The following DEUP1 variants were observed in gnomAD, a reference collection of about 807,000 sequenced individuals.
DEUP1 encodes coiled-coil domain containing 67.
Under a neutral mutation model 87.4 loss-of-function variants are expected in DEUP1, and 82 were observed. The observed-to-expected ratio is 0.94, with a 90% CI of 0.78 to 1.13. The LOEUF (loss-of-function observed/expected upper bound fraction) is 1.13. Ranked by LOEUF, DEUP1 falls within the 50% of genes most tolerant of loss-of-function variation. DEUP1 has a pLI of 0.00. For synonymous variants in DEUP1, 214 were observed against 222.7 expected, an observed-to-expected ratio of 0.96 and a Z score of 0.35; for missense variants, 663 against 681.5, an observed-to-expected ratio of 0.97 and a Z score of 0.30.
At chr11:93,419,075 T>C (rs1015365962) in intron 13 of DEUP1, among the ~76,000 whole-genome samples, 21 of 151,808 alleles carry the variant, frequency 1.4e-4, no homozygotes, top group African/African-American at 4.6e-4. Flanking sequence ...GAGATATACC[T>C]AATGCTAGAT....
chr11:93,355,481 T>C lies in DEUP1; in HGVS notation c.140T>C (p.Leu47Ser). The change falls in exon 3 of 14, where the codon TTA (leucine) becomes TCA (serine). Residue 47 changes from leucine to serine, a missense_variant. Coordinates refer to ENST00000298050, the MANE Select transcript of DEUP1 (RefSeq NM_181645.4). ...ERKMRALETR[L>S]DLRDQELANA... ...AAGATGCGGGCTTTGGAGACACGAT[T>C]AGATCTTCGGGATCAAGAATTGGCA... 1 of 1,613,884 alleles carries C rather than the reference T, an allele frequency of 6.2e-7. No individual in the cohort carries two copies. The highest frequency in any genetic ancestry group is 8.5e-7 in the Non-Finnish European group (1 of 1,179,818).
chr11:93,417,841 C>A (rs1947700814), intron 13 of DEUP1, among the ~76,000 whole-genome samples: 1 of 152,150 alleles, frequency 6.6e-6, no homozygotes, highest in South Asian at 2.1e-4. Flanking sequence ...AAATATAGAT[C>A]AATGGAACAT....
At chr11:93,372,683 C>A (rs1040134724) in intron 7 of DEUP1, among the ~76,000 whole-genome samples, 2 of 152,140 alleles carry the variant, frequency 1.3e-5, no homozygotes, top group African/African-American at 4.8e-5. Context: ...TACATATTCC[C>A]CACTTCAAAC....
intron 13 of DEUP1, among the ~76,000 whole-genome samples, chr11:93,437,340 T>G (rs1591287155): frequency 1.3e-5 from 2 of 152,222 alleles, no homozygotes; most frequent in East Asian, 3.8e-4. Context: ...AATGTAATGG[T>G]GCTGTGATGT....
intron 2 of DEUP1, among the ~76,000 whole-genome samples, chr11:93,335,420 GTTA>G (rs1013624633): frequency 6.6e-6 from 1 of 152,070 alleles, no homozygotes; most frequent in African/African-American, 2.4e-5. Flanking sequence ...TTTAATTGTT[GTTA>G]TTATGTTTAA....
At chr11:93,377,474 G>T (rs1383485571) in intron 7 of DEUP1, among the ~76,000 whole-genome samples, 1 of 151,910 alleles carries the variant, frequency 6.6e-6, no homozygotes, top group African/African-American at 2.4e-5. Flanking sequence ...GAATATCTTT[G>T]TCTGCCCCTT....
intron 11 of DEUP1, among the ~76,000 whole-genome samples, chr11:93,399,103 T>C (rs541779611): frequency 2.0e-4 from 31 of 152,164 alleles, no homozygotes; most frequent in Non-Finnish European, 4.4e-4. Context: ...TGCAAAATGC[T>C]TTAAACTTCT....
intron 5 of DEUP1, among the ~76,000 whole-genome samples, chr11:93,365,987 C>CATAACACAGGCCTTG (rs1156863132): frequency 6.6e-6 from 1 of 152,194 alleles, no homozygotes; most frequent in Non-Finnish European, 1.5e-5. Flanking sequence ...CATGTGTTTG[C>CATAACACAGGCCTTG]CCTGTGACCT....
intron 13 of DEUP1, among the ~76,000 whole-genome samples, chr11:93,419,779 C>T (rs1198190755): frequency 2.0e-5 from 3 of 150,830 alleles, no homozygotes. Flanking sequence ...TTTATGTTGG[C>T]ATGAGAAATT....
chr11:93,416,435 T>C (rs1408122582), intron 13 of DEUP1, among the ~76,000 whole-genome samples: 1 of 151,902 alleles, frequency 6.6e-6, no homozygotes, highest in Non-Finnish European at 1.5e-5. Context: ...AATCCAGAAA[T>C]GGATAAATTC....
chr11:93,438,449 A>G lies in DEUP1; in HGVS notation c.*730A>G, dbSNP rs972921964. 1 of 152,208 alleles carries G rather than the reference A, an allele frequency of 6.6e-6. No homozygotes were observed. Among genetic ancestry groups the G allele is most frequent in the African/African-American group, 2.4e-5 (1 of 41,456 alleles). 9.4% of individuals were successfully genotyped at this position (152,208 alleles called of 1,614,324 possible). On this transcript the variant is annotated 3_prime_UTR_variant, in exon 14 of 14. Coordinates refer to ENST00000298050, the MANE Select transcript of DEUP1 (RefSeq NM_181645.4). ...TTGTAATCACTTCTGTTTTTAATAC[A>G]ATAAAGGAATGTAAAATTCAATGGA...
intron 11 of DEUP1, among the ~76,000 whole-genome samples, chr11:93,403,345 A>T (rs933578756): frequency 6.6e-5 from 10 of 151,984 alleles, no homozygotes; most frequent in African/African-American, 2.4e-4. Flanking sequence ...ATCTTCAATT[A>T]TTTTTCCACT....
chr11:93,342,020 T>C (rs1435993797), intron 2 of DEUP1, among the ~76,000 whole-genome samples: 1 of 152,176 alleles, frequency 6.6e-6, no homozygotes, highest in Non-Finnish European at 1.5e-5. Context: ...CCTCTTTTTC[T>C]CTGTGTGTCA....
chr11:93,382,218 T>A (rs1198342574), intron 7 of DEUP1, among the ~76,000 whole-genome samples: 1 of 152,202 alleles, frequency 6.6e-6, no homozygotes, highest in Non-Finnish European at 1.5e-5. Flanking sequence ...ATCAATTCAC[T>A]AATTCTTGTG....
chr11:93,386,254 AC>A (rs1294958025), intron 8 of DEUP1, among the ~76,000 whole-genome samples: 1 of 152,044 alleles, frequency 6.6e-6, no homozygotes. Context: ...TCTTCTTAAA[AC>A]AGATTTTTTT....
At chr11:93,375,035 T>C (rs1421649087) in intron 7 of DEUP1, among the ~76,000 whole-genome samples, 1 of 74,714 alleles carries the variant, frequency 1.3e-5, no homozygotes, top group Non-Finnish European at 2.8e-5. Context: ...TTTTCTTTTC[T>C]TTTTTTTTTT....
intron 5 of DEUP1, among the ~76,000 whole-genome samples, chr11:93,369,650 G>GAATGAAGATGTACAAATGAAAGAA (rs1425804122): frequency 1.2e-3 from 13 of 10,650 alleles, no homozygotes; most frequent in East Asian, 4.4e-3. Flanking sequence ...ATGGATTTAC[G>GAATGAAGATGTACAAATGAAAGAA]GCCGGGCGCG....
intron 7 of DEUP1, among the ~76,000 whole-genome samples, chr11:93,377,739 A>G (rs1395931492): frequency 1.3e-5 from 2 of 152,084 alleles, no homozygotes; most frequent in African/African-American, 4.8e-5. Context: ...AGGAGGTTCT[A>G]TATTGGTGTA....
Position 93,437,764 on chromosome 11 carries a change from GA to G in DEUP1, c.*52del. The G allele has an allele frequency of 5.6e-6, 5 of 896,676 alleles. No individual in the cohort carries two copies. The highest frequency in any genetic ancestry group is 8.3e-6 in the Non-Finnish European group (5 of 603,086). 55.5% of individuals were successfully genotyped at this position (896,676 alleles called of 1,614,324 possible). A position where few individuals can be genotyped will look rare whatever the true frequency, so the allele number is the denominator to read the frequency against. ...TGCTTCCCCCCCCCACCCCCGCCAAGAAAAAAAGCTCTGGCAAAATATTTAC... is the reference window on the plus strand; with the variant it reads ...TGCTTCCCCCCCCCACCCCCGCCAAGAAAAAAGCTCTGGCAAAATATTTAC... On this transcript the variant is annotated 3_prime_UTR_variant, in exon 14 of 14. Transcript: ENST00000298050.
Sources: gnomAD v4.1 joint callset for allele counts (sites outside exome capture counted in the v4.1 genomes callset) on GRCh38, gnomAD v4.1.1 for gene constraint, MANE v1.5 for transcripts, NCBI Gene and HGNC (gene_info 2026-07-23, HGNC 2026-07-21) for gene names.